The following TEX264 variants were observed in gnomAD, a reference collection of about 807,000 sequenced individuals.
TEX264 encodes the protein testis expressed 264, ER-phagy receptor, also known as testis-expressed protein 264.
TEX264 carries 13 observed loss-of-function variants against 23.4 expected under a neutral mutation model. The ratio of observed to expected loss-of-function variants is 0.56; its 90% CI spans 0.36 to 0.88. The LOEUF is 0.88. Ranked by LOEUF, TEX264 falls within the 40% of genes least tolerant of loss-of-function variation. TEX264 has a pLI of 0.01. For synonymous variants in TEX264, 159 were observed against 170.0 expected (o/e 0.94, Z 0.50); for missense variants, 340 against 406.8 (o/e 0.84, Z 1.41).
intron 3 of TEX264, among the ~76,000 whole-genome samples, chr3:51,697,486 C>T (rs2107022175): frequency 6.6e-6 from 1 of 152,370 alleles, no homozygotes; most frequent in East Asian, 1.9e-4. Flanking sequence ...GTGATGGCCA[C>T]TCAGCTACTA....
chr3:51,696,385 G>A lies in TEX264; in HGVS notation c.481-3021G>A, dbSNP rs1047027538. Among the ~76,000 whole-genome samples, 4 of 152,204 alleles carry A rather than the reference G, an allele frequency of 2.6e-5. No homozygotes were observed. In the South Asian group the frequency reaches 6.2e-4, roughly 24 times the overall value. ...GCTCCCTGGGGCTAACTGAGGGAGA[G>A]GCAGCTGGCCTCGCCTTCCTCCAAT... On this transcript the variant is annotated intron_variant, in intron 3 of 4. Coordinates refer to ENST00000341333, the MANE Select transcript of TEX264 (RefSeq NM_015926.6).
At chr3:51,693,137 T>C (rs1032568503) in intron 3 of TEX264, among the ~76,000 whole-genome samples, 1 of 152,132 alleles carries the variant, frequency 6.6e-6, no homozygotes, top group South Asian at 2.1e-4. Context: ...TAGGCCCTCC[T>C]CCACAGGACA....
intron 1 of TEX264, among the ~76,000 whole-genome samples, chr3:51,673,929 G>A (rs997856737): frequency 1.3e-5 from 2 of 152,088 alleles, no homozygotes; most frequent in African/African-American, 2.4e-5. Context: ...GTACATCTTC[G>A]GGGAGACTTG....
chr3:51,693,661 G>A (rs1240553504), intron 3 of TEX264, among the ~76,000 whole-genome samples: 1 of 151,954 alleles, frequency 6.6e-6, no homozygotes, highest in Admixed American at 6.6e-5. Flanking sequence ...TGTATTTTTA[G>A]TAGAGATGGG....
intron 2 of TEX264, chr3:51,683,837 G>T (rs1702515210): frequency 1.3e-5 from 2 of 154,380 alleles, no homozygotes; most frequent in South Asian, 4.0e-4. Flanking sequence ...GGGCATGACC[G>T]TGGAGGGCTC....
At chr3:51,672,664 A>G (rs909946376) in intron 1 of TEX264, among the ~76,000 whole-genome samples, 1 of 152,180 alleles carries the variant, frequency 6.6e-6, no homozygotes, top group African/African-American at 2.4e-5. Flanking sequence ...AGGGGCTGGA[A>G]TCAGACTGTC....
At chr3:51,690,048 T>G (rs535790787) in intron 3 of TEX264, among the ~76,000 whole-genome samples, 1 of 152,306 alleles carries the variant, frequency 6.6e-6, no homozygotes, top group Non-Finnish European at 1.5e-5. Context: ...GGTCAGCCTG[T>G]TGAGCAGTGG....
chr3:51,684,622 C>T lies in TEX264; in HGVS notation c.468C>T (p.Asp156=), dbSNP rs1356282013. 1.1e-5 allele frequency: 18 copies of T among 1,614,078 alleles called. No homozygotes were observed. In the Admixed American group the frequency reaches 3.0e-4, roughly 27 times the overall value. Residue 156 remains aspartate, a synonymous_variant, in exon 3 of 5, where the codon GAC becomes GAT. Coordinates refer to ENST00000341333, the MANE Select transcript of TEX264 (RefSeq NM_015926.6). The part of the protein sequence containing the change: ...LATRRVHPAL[D]TYIKERKLCA... ...CCCGCCGTGTCCATCCTGCCTTGGA[C>T]ACCTACATCAAGGTGAGGCACAGGC... is the stretch of plus-strand genomic sequence containing the variant.
At chr3:51,681,747 C>G (rs1702436199) in intron 2 of TEX264, 1 of 152,212 alleles carries the variant, frequency 6.6e-6, no homozygotes, top group South Asian at 2.1e-4. Context: ...TGCAGACACT[C>G]AGTTGGTGCC....
rs532507096 is a variant in TEX264 at position 51,704,011 on chromosome 3, G to T, written c.937G>T (p.Glu313Ter). The change falls in exon 5 of 5, where the codon GAG (glutamate) becomes TAG (stop). Residue 313 changes from glutamate to a stop codon, truncating the protein, a stop_gained. Transcript: ENST00000341333. LOFTEE classifies it high-confidence loss of function. ...WEPTAPEKGK[E>*] is the part of the protein sequence containing the mutation. ...GCCCACTGCCCCTGAGAAGGGCAAG[G>T]AGTAACCCATGGCCTGCACCCTCCT... 2 of 1,520,770 alleles carry T rather than the reference G, an allele frequency of 1.3e-6. No individual in the cohort carries two copies. Among genetic ancestry groups the T allele is most frequent in the African/African-American group, 2.8e-5 (2 of 72,444 alleles). 94.2% of individuals were successfully genotyped at this position (1,520,770 alleles called of 1,614,324 possible).
Position 51,674,288 on chromosome 3 carries a change from G to A in TEX264, c.-17G>A. ...CTTTGCAGCTGCCTTGAGGTGCAGT[G>A]TTGGGGATCCAGAGCCATGTCGGAC... On this transcript the variant is annotated 5_prime_UTR_variant, in exon 2 of 5. Coordinates refer to ENST00000341333, the MANE Select transcript of TEX264 (RefSeq NM_015926.6). 1 of 1,614,008 alleles carries A rather than the reference G, an allele frequency of 6.2e-7. No individual in the cohort carries two copies.
rs1703205326 is a variant in TEX264, at chr3:51,699,565, G to C, written c.640G>C (p.Asp214His). The change falls in exon 4 of 5, where the codon GAT becomes CAT. Residue 214 changes from aspartate to histidine, a missense_variant. By Grantham distance (81) the Asp-to-His change is moderately conservative. Transcript: ENST00000341333. ...TGTGGAGGCCATTGACACCCAGGTG[G>C]ATGGCACAGGTACAGAAGGTGGGGT... Reference protein sequence around the residue: ...GLVEAIDTQVDGTGADTMSDT... With the variant: ...GLVEAIDTQVHGTGADTMSDT... 6.2e-7 allele frequency: 1 copy of C among 1,613,962 alleles called. No homozygotes were observed. Among genetic ancestry groups the C allele is most frequent in the Non-Finnish European group, 8.5e-7 (1 of 1,179,872 alleles).
chr3:51,680,004 G>A (rs572743290), intron 2 of TEX264, among the ~76,000 whole-genome samples: 2 of 152,274 alleles, frequency 1.3e-5, no homozygotes, highest in South Asian at 4.1e-4. Flanking sequence ...CAACCACCTA[G>A]TCATGGGCCA....
At position 51,704,022 on chromosome 3, in the gene TEX264, G is replaced by A; in HGVS notation, c.*6G>A. ...CTGAGAAGGGCAAGGAGTAACCCAT[G>A]GCCTGCACCCTCCTGCAGTGCAGTT... On this transcript the variant is annotated 3_prime_UTR_variant, in exon 5 of 5. Transcript: ENST00000341333. 3 of 1,498,740 alleles carry A rather than the reference G, an allele frequency of 2.0e-6. No homozygotes were observed. The highest frequency in any genetic ancestry group is 2.7e-6 in the Non-Finnish European group (3 of 1,125,094). 92.8% of individuals were successfully genotyped at this position (1,498,740 alleles called of 1,614,324 possible). A position where few individuals can be genotyped will look rare whatever the true frequency, so the allele number is the denominator to read the frequency against.
In TEX264 at chr3:51,684,420, CT is replaced by C; in HGVS notation, c.267del (p.Asp90IlefsTer11). 2.5e-6 allele frequency: 4 copies of C among 1,614,088 alleles called. No homozygotes were observed. Among genetic ancestry groups the C allele is most frequent in the South Asian group, 1.1e-5 (1 of 91,084 alleles). Reference protein sequence around the residue: ...VYYDNPHMVPPDKCRCAVGSI... With the variant: ...VYYDNPHMVPXDKCRCAVGSI... ...CATGCTTTGCTTCCCCAGGTGCCCC[CT>C]GATAAGTGCCGATGTGCCGTGGGCA... is the stretch of plus-strand genomic sequence containing the variant. On this transcript the variant is annotated frameshift_variant, in exon 3 of 5. Transcript: ENST00000341333. LOFTEE classifies it high-confidence loss of function.
rs145636490 is a variant in TEX264, at chr3:51,701,790, C to A, written c.650-1934C>A. On this transcript the variant is annotated intron_variant, in intron 4 of 4. Transcript: ENST00000341333. Reference sequence around the variant, plus strand: ...GGGATTACAGGTGCCTGCCACCATGCCCGGCTAATTTTTGTATTTTTAGTA... The same window carrying A: ...GGGATTACAGGTGCCTGCCACCATGACCGGCTAATTTTTGTATTTTTAGTA... Among the ~76,000 whole-genome samples the A allele has an allele frequency of 7.4e-3, 1,095 of 148,710 alleles. 10 individuals are homozygous for A. Among genetic ancestry groups the A allele is most frequent in the South Asian group, 0.058 (277 of 4,816 alleles).
rs759418259 is a variant in TEX264, at chr3:51,703,797, C to T, written c.723C>T (p.Ala241=). 6.2e-7 allele frequency: 1 copy of T among 1,609,978 alleles called. No individual in the cohort carries two copies. Among genetic ancestry groups the T allele is most frequent in the South Asian group, 1.1e-5 (1 of 90,954 alleles). ...CTGGCAGCCGGGAGACTTCAGCTGC[C>T]ACACTGTCACCTGGGGCGAGCAGCC... ...VSPGSRETSA[A]TLSPGASSRG... is the part of the protein sequence containing the mutation. The change falls in exon 5 of 5, where the codon GCC becomes GCT. Residue 241 remains alanine, a synonymous_variant. Coordinates refer to ENST00000341333, the MANE Select transcript of TEX264 (RefSeq NM_015926.6). This position sits in a 1 kb window ranked among gnomAD's most constrained non-coding sequence, Gnocchi z 4.8.
At chr3:51,678,905 G>A (rs1559671877) in intron 2 of TEX264, among the ~76,000 whole-genome samples, 1 of 152,204 alleles carries the variant, frequency 6.6e-6, no homozygotes, top group African/African-American at 2.4e-5. Flanking sequence ...AAAGGCAATG[G>A]GAATGTGGGC....
At chr3:51,680,225 C>T (rs1486646805) in intron 2 of TEX264, among the ~76,000 whole-genome samples, 1 of 152,196 alleles carries the variant, frequency 6.6e-6, no homozygotes. Flanking sequence ...TAACCCTGAA[C>T]CCAATGACTA....
Sources: gnomAD v4.1 joint callset for allele counts (sites outside exome capture counted in the v4.1 genomes callset) on GRCh38, gnomAD v4.1.1 for gene constraint, Gnocchi (gnomAD v3.1) non-coding constraint, MANE v1.5 for transcripts, NCBI Gene and HGNC (gene_info 2026-07-23, HGNC 2026-07-21) for gene names.